The following IFT122 variants were observed in gnomAD, a reference collection of about 807,000 sequenced individuals.
IFT122 encodes the protein intraflagellar transport protein 122 homolog.
In IFT122, 118 loss-of-function variants were observed where a neutral mutation model predicts 161.6. The ratio of observed to expected loss-of-function variants is 0.73; its 90% CI spans 0.63 to 0.85. The LOEUF is 0.85. IFT122 is among the 40% of genes least tolerant of loss of function. The pLI is 0.00. For synonymous variants in IFT122, 550 were observed against 602.4 expected (o/e 0.91, Z 1.27); for missense variants, 1,381 against 1,579.6 (o/e 0.87, Z 2.13).
intron 23 of IFT122, 101 bp downstream of exon 23, chr3:129,507,863 G>T: frequency 1.1e-6 from 1 of 897,630 alleles, no homozygotes; most frequent in Non-Finnish European, 1.8e-6. Context: ...GTAACCCACT[G>T]GTCACAGTGA....
At chr3:129,441,702 C>G (rs570422634) in intron 1 of IFT122, among the ~76,000 whole-genome samples, 4 of 152,172 alleles carry the variant, frequency 2.6e-5, no homozygotes, top group African/African-American at 4.8e-5. Context: ...ATCTTCAACA[C>G]TAGGAATTGT....
chr3:129,474,011 AT>A (rs2077642782), intron 9 of IFT122, among the ~76,000 whole-genome samples: 1 of 152,330 alleles, frequency 6.6e-6, no homozygotes, highest in South Asian at 2.1e-4. Flanking sequence ...ATTCATAAGA[AT>A]TTTTAGTTTT....
At chr3:129,491,765 G>C (rs1559950053) in intron 16 of IFT122, among the ~76,000 whole-genome samples, 1 of 152,152 alleles carries the variant, frequency 6.6e-6, no homozygotes, top group Non-Finnish European at 1.5e-5. Flanking sequence ...ATCAGTCCAT[G>C]CATCTCATCC....
intron 8 of IFT122, among the ~76,000 whole-genome samples, chr3:129,468,293 CAA>C (rs2077007799): frequency 6.6e-6 from 1 of 152,072 alleles, no homozygotes; most frequent in Non-Finnish European, 1.5e-5. Flanking sequence ...AATTAATAAA[CAA>C]AGAGGCAACA....
At chr3:129,451,274 T>G (rs901736852) in intron 2 of IFT122, among the ~76,000 whole-genome samples, 1 of 151,274 alleles carries the variant, frequency 6.6e-6, no homozygotes, top group African/African-American at 2.4e-5. Flanking sequence ...AATTTTTATT[T>G]TTTTTTATTT....
chr3:129,500,117 A>G (rs1480859512), intron 19 of IFT122, 49 bp downstream of exon 19: 3 of 1,597,488 alleles, frequency 1.9e-6, no homozygotes, highest in South Asian at 1.1e-5. Context: ...ATGTCATCAC[A>G]TGTCACCTCT....
chr3:129,507,063 C>G (rs1294588787), intron 22 of IFT122, among the ~76,000 whole-genome samples: 1 of 152,216 alleles, frequency 6.6e-6, no homozygotes, highest in Non-Finnish European at 1.5e-5. Flanking sequence ...GGGAAAAACA[C>G]TGGCATGGAA....
At chr3:129,479,312 C>T (rs1162380979) in intron 12 of IFT122, among the ~76,000 whole-genome samples, 4 of 151,684 alleles carry the variant, frequency 2.6e-5, no homozygotes, top group Non-Finnish European at 4.4e-5. Context: ...TGGCGCTTGC[C>T]TGTAGTCCCA....
In IFT122 at chr3:129,478,014, A is replaced by T; in HGVS notation, c.1148-2A>T. 1 of 1,613,620 alleles carries T rather than the reference A, an allele frequency of 6.2e-7. No homozygotes were observed. The highest frequency in any genetic ancestry group is 8.5e-7 in the Non-Finnish European group (1 of 1,179,536). On this transcript the variant is annotated splice_acceptor_variant, in intron 11 of 29. Transcript: ENST00000348417. LOFTEE classifies it high-confidence loss of function. ...AGAACTAGATATTTTTTTCTTTGAC[A>T]GTTCGGATTAAATGCAAAGAGCTTG...
chr3:129,467,176 G>C, intron 8 of IFT122, 110 bp downstream of exon 8: 1 of 1,005,952 alleles, frequency 9.9e-7, no homozygotes, highest in Admixed American at 2.1e-5. Context: ...GGGACTAGGG[G>C]GAACTGTGGG....
At chr3:129,476,904 G>A (rs892726691) in intron 11 of IFT122, 103 bp downstream of exon 11, 17 of 1,448,496 alleles carry the variant, frequency 1.2e-5, no homozygotes, top group Middle Eastern at 2.4e-4. Flanking sequence ...TCTCTTTGGC[G>A]TTTTGCAAAC....
At chr3:129,507,603 G>C (rs900491575) in intron 22 of IFT122, 65 bp from the exon 23 acceptor site, 14 of 1,277,074 alleles carry the variant, frequency 1.1e-5, no homozygotes, top group Non-Finnish European at 1.5e-5. Flanking sequence ...CCCTCCTCCT[G>C]GGGCCAGTTG....
intron 18 of IFT122, among the ~76,000 whole-genome samples, chr3:129,498,847 C>T (rs1186489224): frequency 6.6e-6 from 1 of 152,164 alleles, no homozygotes; most frequent in Non-Finnish European, 1.5e-5. Context: ...GCTGTAAGTG[C>T]TCCCAGTTTC....
At chr3:129,466,786 A>T in intron 7 of IFT122, 104 bp from the exon 8 acceptor site, 1 of 1,066,844 alleles carries the variant, frequency 9.4e-7, no homozygotes. Context: ...TACAGGCGTG[A>T]GTCACTGCAC....
intron 12 of IFT122, among the ~76,000 whole-genome samples, chr3:129,479,255 CAAAAAAAAAAA>C (rs547629384): frequency 4.9e-5 from 4 of 81,410 alleles, no homozygotes; most frequent in Admixed American, 4.1e-4. Context: ...CCATCTCCAC[CAAAAAAAAAAA>C]AAAAAAAAAA....
At position 129,473,595 on chromosome 3, in the gene IFT122, C is replaced by T. The variant is rs553557958; in HGVS notation, c.817-2720C>T. On this transcript the variant is annotated intron_variant, in intron 9 of 29. Transcript: ENST00000348417. Reference sequence around the variant, plus strand: ...CTGACATCTCTGTGCAGTTCTTTAGCTGTAGCTAGGCTGCTTGGCATCTTG... The same window carrying T: ...CTGACATCTCTGTGCAGTTCTTTAGTTGTAGCTAGGCTGCTTGGCATCTTG... Among the ~76,000 whole-genome samples, 5 of 152,334 alleles carry T rather than the reference C, an allele frequency of 3.3e-5. No individual in the cohort carries two copies. The South Asian group carries it at 1.0e-3, about 32-fold the overall frequency.
At chr3:129,483,120 A>G (rs186236778) in intron 14 of IFT122, among the ~76,000 whole-genome samples, 11 of 152,332 alleles carry the variant, frequency 7.2e-5, no homozygotes, top group Middle Eastern at 3.4e-3. Flanking sequence ...TCTACACATA[A>G]AACAGCTATA....
At chr3:129,451,639 T>C (rs1488091160) in intron 2 of IFT122, among the ~76,000 whole-genome samples, 2 of 152,130 alleles carry the variant, frequency 1.3e-5, no homozygotes, top group African/African-American at 4.8e-5. Flanking sequence ...TAAGGATGAG[T>C]ATAAAGAATT....
intron 6 of IFT122, among the ~76,000 whole-genome samples, chr3:129,463,861 C>T (rs1577394945): frequency 6.6e-6 from 1 of 152,238 alleles, no homozygotes; most frequent in African/African-American, 2.4e-5. Context: ...CAAGCCTCAA[C>T]ATCCAGCTAT....
Sources: allele counts gnomAD v4.1 joint callset (sites outside exome capture counted in the v4.1 genomes callset), GRCh38; gene constraint gnomAD v4.1.1; transcripts MANE v1.5; gene names NCBI Gene and HGNC (gene_info 2026-07-23, HGNC 2026-07-21).